SYT7: variants seen among roughly 807,000 people sequenced by gnomAD.
The protein encoded by SYT7 is synaptotagmin 7, also known as synaptotagmin-7.
Under a neutral mutation model 75.1 loss-of-function variants are expected in SYT7, and 29 were observed. The observed-to-expected ratio is 0.39, with a 90% CI of 0.29 to 0.53. The LOEUF (loss-of-function observed/expected upper bound fraction) is 0.53, where lower values mean the gene tolerates loss of function less well. Ranked by LOEUF, SYT7 falls within the 20% of genes least tolerant of loss-of-function variation. The pLI, the probability that SYT7 is intolerant of heterozygous loss-of-function variation, is 0.77. For missense variants in SYT7, 693 were observed against 953.2 expected, an observed-to-expected ratio of 0.73 and a Z score of 3.59; for synonymous variants, 376 against 401.7, an observed-to-expected ratio of 0.94 and a Z score of 0.76.
chr11:61,552,196 G>A (rs1009935141), intron 2 of SYT7, among the ~76,000 whole-genome samples: 4 of 152,098 alleles, frequency 2.6e-5, no homozygotes, highest in African/African-American at 4.8e-5. Flanking sequence ...TGGCCACAGC[G>A]GCAACTGGGC....
rs1437012297 is a variant in SYT7, at chr11:61,553,127, C to A, written c.136-1664G>T. Among the ~76,000 whole-genome samples the A allele has an allele frequency of 1.3e-5, 2 of 152,116 alleles. No homozygotes were observed. Among genetic ancestry groups the A allele is most frequent in the Non-Finnish European group, 2.9e-5 (2 of 68,014 alleles). ...GTTGAAATATAGAGATGCCGGACAC[C>A]CTGGGTTCACAAAAGCTGCCACTCA... is the stretch of plus-strand genomic sequence containing the variant. On this transcript the variant is annotated intron_variant, in intron 2 of 12. Transcript: ENST00000539008. This position sits in a 1 kb window ranked among gnomAD's most constrained non-coding sequence, Gnocchi z 5.2.
rs1468615857 is a variant in SYT7, at chr11:61,524,409, T to G, written c.1595A>C (p.Gln532Pro). 3 of 1,614,124 alleles carry G rather than the reference T, an allele frequency of 1.9e-6. No homozygotes were observed. The highest frequency in any genetic ancestry group is 2.5e-6 in the Non-Finnish European group (3 of 1,179,976). ...SIPLNKVDLT[Q>P]MQTFWKDLKP... ...CAGATCCTTCCAGAAGGTCTGCATC[T>G]GGGTCAGGTCCACCTTGTTAAGGGG... The change falls in exon 10 of 13, where the codon CAG becomes CCG. Residue 532 changes from glutamine to proline, a missense_variant. Gln to Pro is a moderately conservative substitution (Grantham distance 76, BLOSUM62 -1). Around this residue, in one of 2 missense-constraint regions of SYT7, gnomAD observed 206 missense variants for 360.0 expected, o/e 0.57. Coordinates refer to ENST00000539008, the MANE Select transcript of SYT7 (RefSeq NM_001365809.2). This position sits in a 1 kb window ranked among gnomAD's most constrained non-coding sequence, Gnocchi z 4.1.
chr11:61,547,221 G>A lies in SYT7; in HGVS notation c.303C>T (p.Asn101=). ...SSYPPKEFIL[N]ISPYAPYGDP... is the part of the protein sequence containing the mutation. ...CGCCATAAGGGGCGTAGGGTGAAATGTTTAGAATAAACTCCTTGGGAGGGT... is the reference window on the plus strand; with the variant it reads ...CGCCATAAGGGGCGTAGGGTGAAATATTTAGAATAAACTCCTTGGGAGGGT... Residue 101 remains asparagine, a synonymous_variant, in exon 4 of 13, where the codon AAC becomes AAT. Coordinates refer to ENST00000539008, the MANE Select transcript of SYT7 (RefSeq NM_001365809.2). The A allele has an allele frequency of 6.5e-7, 1 of 1,535,820 alleles. No homozygotes were observed. The highest frequency in any genetic ancestry group is 8.7e-7 in the Non-Finnish European group (1 of 1,146,694).
chr11:61,523,311 G>A lies in SYT7; in HGVS notation c.1757-37C>T, dbSNP rs199608170. 10 of 1,589,330 alleles carry A rather than the reference G, an allele frequency of 6.3e-6. No individual in the cohort carries two copies. Among genetic ancestry groups the A allele is most frequent in the South Asian group, 4.4e-5 (4 of 90,588 alleles). On this transcript the variant is annotated intron_variant, in intron 11 of 12. Transcript: ENST00000539008. The surrounding 1 kb of genome is among the most constrained non-coding windows in gnomAD (Gnocchi z 5.0). Reference sequence around the variant, plus strand: ...AGTGGGGAAGGGTTAGAGGGACCGTGGGGGAGGGACTTCCTAGGATCCTTT... The same window carrying A: ...AGTGGGGAAGGGTTAGAGGGACCGTAGGGGAGGGACTTCCTAGGATCCTTT...
rs138816767 is a variant in SYT7 at position 61,549,153 on chromosome 11, G to C, written c.216-1845C>G. ...CTCCCTCCAGATCTCCAGAATCTAG[G>C]GCCATCCAGCCCGAGGTCCCAGAAA... On this transcript the variant is annotated intron_variant, in intron 3 of 12. Coordinates refer to ENST00000539008, the MANE Select transcript of SYT7 (RefSeq NM_001365809.2). 6.4e-4 allele frequency among the ~76,000 whole-genome samples: 98 copies of C among 152,080 alleles called. 1 individual carries two copies. Among genetic ancestry groups the C allele is most frequent in the African/African-American group, 2.2e-3 (91 of 41,412 alleles).
intron 1 of SYT7, among the ~76,000 whole-genome samples, chr11:61,570,306 G>A (rs1298243347): frequency 6.6e-6 from 1 of 152,188 alleles, no homozygotes; most frequent in Non-Finnish European, 1.5e-5. Flanking sequence ...TGGGGTGGCA[G>A]GCAGAAGGGA....
At chr11:61,578,267 T>C (rs1311988439) in intron 1 of SYT7, among the ~76,000 whole-genome samples, 1 of 152,168 alleles carries the variant, frequency 6.6e-6, no homozygotes, top group Non-Finnish European at 1.5e-5. Flanking sequence ...TCACAGTAGC[T>C]GAGCCCTTAG....
intron 1 of SYT7, among the ~76,000 whole-genome samples, chr11:61,571,246 G>A (rs2063912456): frequency 6.6e-6 from 1 of 152,186 alleles, no homozygotes; most frequent in East Asian, 1.9e-4. Context: ...GTTTCCACAT[G>A]GGAAGCACAC....
At chr11:61,575,677 C>T (rs2064052693) in intron 1 of SYT7, among the ~76,000 whole-genome samples, 1 of 152,198 alleles carries the variant, frequency 6.6e-6, no homozygotes, top group Non-Finnish European at 1.5e-5. Context: ...CAGGCCCTGC[C>T]TGGCCAGGTA....
In SYT7 at chr11:61,546,393, G is replaced by A; in HGVS notation, c.348-138C>T. On this transcript the variant is annotated intron_variant, in intron 4 of 12. Coordinates refer to ENST00000539008, the MANE Select transcript of SYT7 (RefSeq NM_001365809.2). This position sits in a 1 kb window ranked among gnomAD's most constrained non-coding sequence, Gnocchi z 7.6. ...CAGATAAAAGGAAGAAAGAGACAGT[G>A]AGAGAGGAGGAGGAGAGAGACAGAC... is the stretch of plus-strand genomic sequence containing the variant. The A allele has an allele frequency of 1.7e-6, 1 of 594,170 alleles. No individual in the cohort carries two copies. 36.8% of individuals were successfully genotyped at this position (594,170 alleles called of 1,614,324 possible).
intron 3 of SYT7, among the ~76,000 whole-genome samples, chr11:61,548,903 CTG>C (rs1390780224): frequency 1.4e-4 from 21 of 152,272 alleles, no homozygotes; most frequent in Non-Finnish European, 2.6e-4. Flanking sequence ...ACAGGGGACT[CTG>C]TGTACAGGGT....
At chr11:61,541,146 C>T (rs1028281044) in intron 6 of SYT7, 9 of 985,356 alleles carry the variant, frequency 9.1e-6, no homozygotes, top group East Asian at 1.1e-4. Context: ...CAGGATGCTC[C>T]GAGGAACTTG....
chr11:61,586,539 G>A, the SYT7 span, among the ~76,000 whole-genome samples: 1 of 152,338 alleles, frequency 6.6e-6, no homozygotes, highest in East Asian at 1.9e-4. Context: ...TTTTAATCTT[G>A]ACTGGGTCTT....
rs1333029974 is a variant in SYT7 at position 61,528,122 on chromosome 11, T to C, written c.1264A>G (p.Ile422Val). Residue 422 changes from isoleucine to valine, a missense_variant, in exon 9 of 13, where the codon ATC becomes GTC. Transcript: ENST00000539008. ...EGCSRENLGRIQFSVGYNFQE... is the reference protein window; with the variant it reads ...EGCSRENLGRVQFSVGYNFQE... ...AAGTTGTAGCCGACACTGAACTGGA[T>C]CCGGCCCAGGTTCTCTCGGCTGCAA... The C allele has an allele frequency of 1.2e-6, 2 of 1,613,408 alleles. No individual in the cohort carries two copies. The highest frequency in any genetic ancestry group is 8.5e-7 in the Non-Finnish European group (1 of 1,180,020).
intron 1 of SYT7, among the ~76,000 whole-genome samples, chr11:61,566,868 A>G (rs2063783103): frequency 6.6e-6 from 1 of 152,218 alleles, no homozygotes; most frequent in Admixed American, 6.5e-5. Context: ...AAAGCTCCTC[A>G]TGCTGATGAC....
At chr11:61,541,164 T>TATATATATATAG in intron 6 of SYT7, 1 of 985,550 alleles carries the variant, frequency 1.0e-6, no homozygotes, top group Non-Finnish European at 1.2e-6. Flanking sequence ...TTGCTTGCCT[T>TATATATATATAG]CAGAATCCCT....
At chr11:61,543,436 A>C (rs1196447208) in intron 5 of SYT7, among the ~76,000 whole-genome samples, 1 of 152,188 alleles carries the variant, frequency 6.6e-6, no homozygotes, top group South Asian at 2.1e-4. Context: ...TAATCTCTGA[A>C]ATGCACTGGG....
Position 61,542,664 on chromosome 11 carries a change from A to T in SYT7, c.573-85T>A. ...GAGAAAGAAGCCGAGGGCCAGGACT[A>T]GGAGGCCCCAGTGCAGGGTGCGCGC... On this transcript the variant is annotated intron_variant, in intron 5 of 12. Transcript: ENST00000539008. The surrounding 1 kb of genome is among the most constrained non-coding windows in gnomAD (Gnocchi z 7.8). 1 of 1,421,390 alleles carries T rather than the reference A, an allele frequency of 7.0e-7. No homozygotes were observed. Among genetic ancestry groups the T allele is most frequent in the South Asian group, 1.5e-5 (1 of 66,606 alleles). The allele number at this position is 1,421,390 out of a possible 1,614,324, so 88.0% of individuals were successfully genotyped here. A position where few individuals can be genotyped will look rare whatever the true frequency, so the allele number is the denominator to read the frequency against.
At chr11:61,534,983 A>T (rs1166055507) in intron 7 of SYT7, among the ~76,000 whole-genome samples, 1 of 152,204 alleles carries the variant, frequency 6.6e-6, no homozygotes, top group African/African-American at 2.4e-5. Flanking sequence ...TGACTGCTGA[A>T]GATATGAGAA....
Sources: allele counts gnomAD v4.1 joint callset (sites outside exome capture counted in the v4.1 genomes callset), GRCh38; gene constraint gnomAD v4.1.1; regional missense constraint gnomAD v4.1.1; non-coding constraint Gnocchi (gnomAD v3.1); transcripts MANE v1.5; gene names NCBI Gene and HGNC (gene_info 2026-07-23, HGNC 2026-07-21).